Variants in GK observed in about 807,000 individuals in gnomAD.
GK encodes glycerol kinase, also known as ATP:glycerol 3-phosphotransferase.
A neutral mutation model predicts 56.4 loss-of-function variants in GK; 9 were observed. The ratio of observed to expected loss-of-function variants is 0.16; its 90% CI spans 0.10 to 0.28. GK has a LOEUF of 0.28. Among genes scored for constraint, GK ranks in the 10% least tolerant of loss-of-function variants. The pLI, the probability that GK is intolerant of heterozygous loss-of-function variation, is 1.00. For missense variants in GK, 161 were observed against 431.4 expected (o/e 0.37, Z 5.55); for synonymous variants, 104 against 144.1 (o/e 0.72, Z 1.99).
At chrX:30,671,279 G>A (rs1163632606) in intron 3 of GK, among the ~76,000 whole-genome samples, 2 of 64,546 alleles carry the variant, frequency 3.1e-5, no homozygotes, top group East Asian at 1.1e-3. Context: ...CAACAAGAGC[G>A]AAACTCCATC....
intron 1 of GK, among the ~76,000 whole-genome samples, chrX:30,662,831 C>T (rs373956171): frequency 0.011 from 84 of 7,662 alleles, no homozygotes; most frequent in Non-Finnish European, 0.015. Context: ...CTCTCTCTCT[C>T]TCTTTCTTTC....
At chrX:30,664,302 C>A (rs374298393) in intron 1 of GK, among the ~76,000 whole-genome samples, 2 of 104,296 alleles carry the variant, frequency 1.9e-5, no homozygotes, top group South Asian at 8.3e-4. Flanking sequence ...CCGGTTCAAG[C>A]AGTTCTCCTG....
chrX:30,700,504 T>G (rs1935595437), intron 10 of GK, 55 bp downstream of exon 10: 3 of 957,963 alleles, frequency 3.1e-6, no homozygotes, highest in Non-Finnish European at 4.5e-6. Flanking sequence ...TGTTATGGCT[T>G]TCCTCCTCTT....
At chrX:30,671,567 C>G (rs1159467969) in intron 3 of GK, 1 of 111,822 alleles carries the variant, frequency 8.9e-6, no homozygotes, top group East Asian at 2.8e-4. Context: ...ATTTATAGTC[C>G]TACCTGACAG....
At chrX:30,693,298 G>A (rs1161419219) in intron 5 of GK, among the ~76,000 whole-genome samples, 1 of 110,836 alleles carries the variant, frequency 9.0e-6, no homozygotes, top group African/African-American at 3.3e-5. Flanking sequence ...TTACAGGCAT[G>A]AGCCACCACG....
At chrX:30,712,291 T>A in intron 13 of GK, among the ~76,000 whole-genome samples, 1 of 112,127 alleles carries the variant, frequency 8.9e-6, no homozygotes, top group South Asian at 3.7e-4. Flanking sequence ...CTGATGTAAA[T>A]GTATTCACCT....
intron 2 of GK, among the ~76,000 whole-genome samples, chrX:30,666,842 G>A (rs1933108456): frequency 8.9e-6 from 1 of 111,943 alleles, no homozygotes; most frequent in African/African-American, 3.2e-5. Context: ...TACACAGAAG[G>A]AGACTGGGTT....
chrX:30,676,811 A>G (rs186919526), intron 3 of GK, among the ~76,000 whole-genome samples: 138 of 111,950 alleles, frequency 1.2e-3, no homozygotes, highest in Non-Finnish European at 2.2e-3. Flanking sequence ...TGCCTGATTC[A>G]AATTCTTATG....
At chrX:30,721,316 G>A (rs1467646635) in intron 18 of GK, 38 of 259,484 alleles carry the variant, frequency 1.5e-4, no homozygotes, top group African/African-American at 1.0e-3. Flanking sequence ...TTTTGAGACG[G>A]AGTCTCACTT....
Position 30,676,244 on chromosome X carries a change from A to T in GK, c.260-1131A>T, listed in dbSNP as rs763149095. Among the ~76,000 whole-genome samples the T allele has an allele frequency of 6.1e-4, 68 of 111,968 alleles. 1 individual carries two copies. The highest frequency in any genetic ancestry group is 2.1e-3 in the African/African-American group (65 of 30,851). ...ACTGCTGCATCTGGCTAATTATTTT[A>T]TTTTTTTGTAGAGGTGAGGTCTTGC... On this transcript the variant is annotated intron_variant, in intron 3 of 20. Coordinates refer to ENST00000427190, the MANE Select transcript of GK (RefSeq NM_001205019.2).
At chrX:30,715,326 C>T (rs181147463) in intron 13 of GK, among the ~76,000 whole-genome samples, 2 of 112,239 alleles carry the variant, frequency 1.8e-5, no homozygotes, top group Admixed American at 1.9e-4. Flanking sequence ...TTCAATCTTC[C>T]TATAGCCTGT....
chrX:30,672,122 G>A (rs1164048015), intron 3 of GK: 1 of 76,967 alleles, frequency 1.3e-5, no homozygotes, highest in Non-Finnish European at 2.2e-5. Context: ...TCATGCCATT[G>A]TACTCCAGCC....
At chrX:30,708,192 TAC>T (rs1601936523) in intron 13 of GK, 58 bp downstream of exon 13, 2 of 643,584 alleles carry the variant, frequency 3.1e-6, no homozygotes, top group East Asian at 6.5e-5. Flanking sequence ...TAATAAAAAT[TAC>T]AGTGTTTTCT....
At chrX:30,697,802 G>A in intron 9 of GK, 53 bp downstream of exon 9, 1 of 887,574 alleles carries the variant, frequency 1.1e-6, no homozygotes, top group Non-Finnish European at 1.7e-6. Context: ...AAGATACAGT[G>A]CACTTCCATT....
intron 4 of GK, chrX:30,678,245 A>G: frequency 1.0e-5 from 4 of 382,716 alleles, no homozygotes; most frequent in Non-Finnish European, 1.8e-5. Context: ...GCAGGGATTT[A>G]AAAAACCCCA....
chrX:30,700,184 GCTCCCAGT>G (rs1935571869), intron 9 of GK: 1 of 369,043 alleles, frequency 2.7e-6, no homozygotes, highest in Admixed American at 4.6e-5. Context: ...TCATTTACTG[GCTCCCAGT>G]CTAACGTTTT....
chrX:30,719,571 G>T, intron 15 of GK, 56 bp downstream of exon 15: 1 of 658,294 alleles, frequency 1.5e-6, no homozygotes, highest in South Asian at 2.4e-5. Context: ...TACCAAAGTC[G>T]TTAATAACTT....
chrX:30,675,849 G>C (rs1408244177), intron 3 of GK, among the ~76,000 whole-genome samples: 1 of 110,372 alleles, frequency 9.1e-6, no homozygotes, highest in Non-Finnish European at 1.9e-5. Context: ...GAGGGCAATG[G>C]CGCAATCTCG....
chrX:30,723,698 C>T (rs1332333958), intron 18 of GK: 1 of 209,530 alleles, frequency 4.8e-6, no homozygotes, highest in Admixed American at 6.3e-5. Flanking sequence ...TCTTGGCTCA[C>T]TGCAACCTCC....
Sources: gnomAD v4.1 joint callset for allele counts (sites outside exome capture counted in the v4.1 genomes callset) on GRCh38, gnomAD v4.1.1 for gene constraint, MANE v1.5 for transcripts, NCBI Gene and HGNC (gene_info 2026-07-23, HGNC 2026-07-21) for gene names.